Variants in HOOK3 observed in about 807,000 individuals in gnomAD.
HOOK3 encodes protein Hook homolog 3.
HOOK3 carries 24 observed loss-of-function variants against 116.3 expected under a neutral mutation model. The ratio of observed to expected loss-of-function variants is 0.21; its 90% CI spans 0.15 to 0.29. The LOEUF is 0.29. Among genes scored for constraint, HOOK3 ranks in the 10% least tolerant of loss-of-function variants. HOOK3 has a pLI of 1.00. For synonymous variants in HOOK3, 275 were observed against 283.0 expected (o/e 0.97, Z 0.28); for missense variants, 632 against 830.2 (o/e 0.76, Z 2.93).
At chr8:42,982,210 G>A (rs1463174402) in intron 13 of HOOK3, among the ~76,000 whole-genome samples, 5 of 144,988 alleles carry the variant, frequency 3.4e-5, no homozygotes, top group African/African-American at 5.1e-5. Context: ...AGCCAAGATC[G>A]TGCCATTGCA....
At chr8:42,941,402 C>G (rs189486208) in intron 4 of HOOK3, among the ~76,000 whole-genome samples, 1 of 150,604 alleles carries the variant, frequency 6.6e-6, no homozygotes, top group African/African-American at 2.4e-5. Flanking sequence ...CTTGTAGTCC[C>G]AGCTACTCGG....
intron 1 of HOOK3, among the ~76,000 whole-genome samples, chr8:42,905,314 G>A (rs115177853): frequency 1.4e-5 from 1 of 69,288 alleles, no homozygotes; most frequent in Non-Finnish European, 2.9e-5. Flanking sequence ...TTTTTTTCCT[G>A]TTTCTTTTTT....
rs969399515 is a variant in HOOK3 at position 42,964,559 on chromosome 8, G to A, written c.779+85G>A. The A allele has an allele frequency of 4.9e-6, 6 of 1,222,248 alleles. No individual in the cohort carries two copies. In the South Asian group the frequency reaches 8.6e-5, roughly 18 times the overall value. The allele number at this position is 1,222,248 out of a possible 1,614,324, so 75.7% of individuals were successfully genotyped here. On this transcript the variant is annotated intron_variant, in intron 9 of 21. Coordinates refer to ENST00000307602, the MANE Select transcript of HOOK3 (RefSeq NM_032410.4). ...AAGAGTATATTGGCCAGGCACATTG[G>A]TCCATGCCTGGAATCCCAGCACTTT...
In HOOK3 at chr8:43,013,159, GT is replaced by G; in HGVS notation, c.1944+7del. 1 of 1,581,358 alleles carries G rather than the reference GT, an allele frequency of 6.3e-7. No individual in the cohort carries two copies. Among genetic ancestry groups the G allele is most frequent in the Non-Finnish European group, 8.7e-7 (1 of 1,152,068 alleles). On this transcript the variant is annotated splice_donor_5th_base_variant and intron_variant, in intron 20 of 21. Transcript: ENST00000307602. ...CCGACTGTTCCACTCATTAGAGGTA[GT>G]TTACTATACTGTACAATAAAATAAT...
chr8:42,930,932 G>A (rs1807861033), intron 4 of HOOK3, among the ~76,000 whole-genome samples: 1 of 152,156 alleles, frequency 6.6e-6, no homozygotes, highest in Admixed American at 6.5e-5. Flanking sequence ...TACTAAAGTA[G>A]TCTCGCTGGT....
At chr8:42,942,198 GC>G (rs1159981141) in intron 4 of HOOK3, among the ~76,000 whole-genome samples, 1 of 152,166 alleles carries the variant, frequency 6.6e-6, no homozygotes, top group Non-Finnish European at 1.5e-5. Context: ...GTTGCAGTGA[GC>G]CGAGATCATG....
At position 42,945,558 on chromosome 8, in the gene HOOK3, G is replaced by A. The variant is rs200764821; in HGVS notation, c.400+2113G>A. On this transcript the variant is annotated intron_variant, in intron 5 of 21. Transcript: ENST00000307602. ...ACTCCTGACCTCAAGTGATCCACCCGCCTTGGCTTCCCAAAGTGCTAGGAT... is the reference window on the plus strand; with the variant it reads ...ACTCCTGACCTCAAGTGATCCACCCACCTTGGCTTCCCAAAGTGCTAGGAT... Among the ~76,000 whole-genome samples, 22 of 152,202 alleles carry A rather than the reference G, an allele frequency of 1.4e-4. No homozygotes were observed. In the East Asian group the frequency reaches 3.5e-3, roughly 24 times the overall value.
In HOOK3 at chr8:43,027,499, G is replaced by A. The variant is rs932426165; in HGVS notation, c.*9001G>A. On this transcript the variant is annotated 3_prime_UTR_variant, in exon 22 of 22. Transcript: ENST00000307602. ...ACCCCCTGTTCTACTGACGTGCTTTGCATGAGAAGCTCATCTAGAAGAGAG... is the reference window on the plus strand; with the variant it reads ...ACCCCCTGTTCTACTGACGTGCTTTACATGAGAAGCTCATCTAGAAGAGAG... 1 of 434,146 alleles carries A rather than the reference G, an allele frequency of 2.3e-6. No individual in the cohort carries two copies. The highest frequency in any genetic ancestry group is 4.4e-6 in the Non-Finnish European group (1 of 225,216). The allele number at this position is 434,146 out of a possible 1,614,324, so 26.9% of individuals were successfully genotyped here.
At chr8:42,927,976 G>A (rs1334831395) in intron 3 of HOOK3, among the ~76,000 whole-genome samples, 2 of 152,032 alleles carry the variant, frequency 1.3e-5, no homozygotes, top group African/African-American at 2.4e-5. Flanking sequence ...GTGAATCCCC[G>A]TTTCTAGTAA....
chr8:42,971,149 G>T (rs1305203057), intron 11 of HOOK3, among the ~76,000 whole-genome samples: 1 of 151,874 alleles, frequency 6.6e-6, no homozygotes, highest in Non-Finnish European at 1.5e-5. Context: ...CTGGACTTCA[G>T]TACAACTTGG....
chr8:42,989,601 C>T (rs1044970634), intron 15 of HOOK3, among the ~76,000 whole-genome samples: 4 of 152,076 alleles, frequency 2.6e-5, no homozygotes, highest in African/African-American at 9.7e-5. Flanking sequence ...ATTTATGTTA[C>T]GAACAATCCC....
chr8:42,939,727 G>A (rs1280833188), intron 4 of HOOK3, among the ~76,000 whole-genome samples: 1 of 150,930 alleles, frequency 6.6e-6, no homozygotes, highest in Non-Finnish European at 1.5e-5. Context: ...CTTCTCAGAC[G>A]GGGCGGCTGC....
chr8:42,901,958 T>C (rs1474644297), intron 1 of HOOK3, among the ~76,000 whole-genome samples: 1 of 152,216 alleles, frequency 6.6e-6, no homozygotes, highest in African/African-American at 2.4e-5. Flanking sequence ...TCCACCCGCC[T>C]CGGCTTCCAA....
intron 5 of HOOK3, 80 bp downstream of exon 5, chr8:42,943,525 C>A: frequency 1.1e-6 from 1 of 934,668 alleles, no homozygotes; most frequent in Non-Finnish European, 1.4e-6. Context: ...ATATAAATCA[C>A]CAGTACCAAC....
Position 43,002,120 on chromosome 8 carries a change from A to G in HOOK3, c.1634A>G (p.Lys545Arg). The change falls in exon 17 of 22, where the codon AAA becomes AGA. Residue 545 changes from lysine (K) to arginine (R), a missense_variant. Physicochemically the swap from Lys to Arg is conservative, Grantham distance 26. Transcript: ENST00000307602. ...GSKAEDSVLL[K>R]KKLEEHLEKL... ...TTTCATTTTTAGTCAGTCCTTCTAA[A>G]AAAGAAGCTTGAAGAACATCTGTAA... 1 of 1,590,654 alleles carries G rather than the reference A, an allele frequency of 6.3e-7. No homozygotes were observed. Among genetic ancestry groups the G allele is most frequent in the Non-Finnish European group, 8.6e-7 (1 of 1,158,998 alleles).
chr8:43,006,779 A>G (rs1007112469), intron 17 of HOOK3, among the ~76,000 whole-genome samples: 2 of 152,270 alleles, frequency 1.3e-5, no homozygotes, highest in African/African-American at 4.8e-5. Context: ...TTAAAGCATC[A>G]TGCATAGAAA....
intron 15 of HOOK3, among the ~76,000 whole-genome samples, chr8:42,997,161 G>T (rs1809294877): frequency 6.6e-6 from 1 of 152,084 alleles, no homozygotes; most frequent in Non-Finnish European, 1.5e-5. Flanking sequence ...ATCCACCTTG[G>T]CCTCCCAAAG....
At chr8:43,005,643 A>G (rs1809470327) in intron 17 of HOOK3, among the ~76,000 whole-genome samples, 1 of 152,052 alleles carries the variant, frequency 6.6e-6, no homozygotes, top group African/African-American at 2.4e-5. Flanking sequence ...CATGACTACT[A>G]AGTTTTGGGG....
At chr8:42,978,430 G>A (rs1043286766) in intron 13 of HOOK3, among the ~76,000 whole-genome samples, 3 of 143,414 alleles carry the variant, frequency 2.1e-5, no homozygotes, top group Admixed American at 1.4e-4. Flanking sequence ...TTTTTTTTCA[G>A]ATGAAGTCTC....
Sources: gnomAD v4.1 joint callset for allele counts (sites outside exome capture counted in the v4.1 genomes callset) on GRCh38, gnomAD v4.1.1 for gene constraint, MANE v1.5 for transcripts, NCBI Gene and HGNC (gene_info 2026-07-23, HGNC 2026-07-21) for gene names.